Variants in ADAMTSL1 observed in about 807,000 individuals in gnomAD.
The protein encoded by ADAMTSL1 is ADAMTS like 1, also known as ADAMTS-like protein 1.
In ADAMTSL1, 126 loss-of-function variants were observed where a neutral mutation model predicts 201.8. The observed-to-expected ratio is 0.62, with a 90% CI of 0.54 to 0.72. ADAMTSL1 has a LOEUF of 0.72. Ranked by LOEUF, ADAMTSL1 falls within the 30% of genes least tolerant of loss-of-function variation. The pLI is 0.00. For synonymous variants in ADAMTSL1, 1,121 were observed against 903.4 expected (o/e 1.24, Z -4.32); for missense variants, 2,679 against 2,277.8 (o/e 1.18, Z -3.59).
At chr9:18,694,249 C>T (rs1446076783) in intron 13 of ADAMTSL1, among the ~76,000 whole-genome samples, 1 of 152,074 alleles carries the variant, frequency 6.6e-6, no homozygotes, top group Admixed American at 6.6e-5. Context: ...CAAATCTGAG[C>T]CATATCATCC....
At chr9:18,877,910 C>T (rs980909007) in intron 23 of ADAMTSL1, among the ~76,000 whole-genome samples, 1 of 152,096 alleles carries the variant, frequency 6.6e-6, no homozygotes, top group Non-Finnish European at 1.5e-5. Flanking sequence ...CAGGGTTAGG[C>T]GTGTCTGAGC....
intron 23 of ADAMTSL1, among the ~76,000 whole-genome samples, chr9:18,865,198 A>T (rs978037332): frequency 2.7e-5 from 4 of 146,070 alleles, no homozygotes; most frequent in Non-Finnish European, 4.5e-5. Flanking sequence ...CGCTCCCCCC[A>T]CCCCACAATA....
intron 1 of ADAMTSL1, among the ~76,000 whole-genome samples, chr9:18,102,875 A>G (rs560161247): frequency 7.2e-5 from 11 of 152,328 alleles, no homozygotes; most frequent in African/African-American, 2.6e-4. Context: ...TCAGAGCTAG[A>G]AGATGATTCT....
intron 2 of ADAMTSL1, among the ~76,000 whole-genome samples, chr9:18,356,528 A>G (rs1244932880): frequency 2.6e-5 from 1 of 39,056 alleles, no homozygotes; most frequent in Non-Finnish European, 5.7e-5. Flanking sequence ...CCCTGTCTTT[A>G]AAAAAAAAAA....
chr9:18,291,747 T>TCA (rs368988848), intron 2 of ADAMTSL1, among the ~76,000 whole-genome samples: 8,009 of 99,658 alleles, frequency 0.08, 369 homozygotes, highest in Middle Eastern at 0.15. Context: ...TCTCTCTCTC[T>TCA]CACACACACA....
chr9:18,842,170 C>T lies in ADAMTSL1; in HGVS notation c.4249+12193C>T, dbSNP rs182743870. On this transcript the variant is annotated intron_variant, in intron 23 of 28. Transcript: ENST00000380548. ...GATCTTTCCTGCTTTCTCTTGCGGG[C>T]ATTTAGTGCTATAAATTTCCCTCTA... 2.0e-4 allele frequency among the ~76,000 whole-genome samples: 30 copies of T among 152,084 alleles called. No individual in the cohort carries two copies. The East Asian group carries it at 5.8e-3, about 29-fold the overall frequency.
intron 2 of ADAMTSL1, among the ~76,000 whole-genome samples, chr9:18,368,813 A>G (rs1586989689): frequency 1.3e-5 from 2 of 152,342 alleles, no homozygotes; most frequent in African/African-American, 4.8e-5. Flanking sequence ...ATATGTAAAA[A>G]TTGTAGACAT....
At chr9:18,388,215 A>G (rs1205023843) in intron 2 of ADAMTSL1, among the ~76,000 whole-genome samples, 1 of 151,756 alleles carries the variant, frequency 6.6e-6, no homozygotes, top group Non-Finnish European at 1.5e-5. Context: ...AAGTAAATTT[A>G]GTCTTTTATA....
chr9:17,970,912 A>T (rs1046653040), intron 1 of ADAMTSL1, among the ~76,000 whole-genome samples: 1 of 152,064 alleles, frequency 6.6e-6, no homozygotes, highest in African/African-American at 2.4e-5. Context: ...AGCACAGAAA[A>T]AGATTAATTG....
chr9:18,507,785 C>T (rs1265693454), intron 2 of ADAMTSL1, among the ~76,000 whole-genome samples: 2 of 152,166 alleles, frequency 1.3e-5, no homozygotes, highest in South Asian at 2.1e-4. Context: ...AAGGGTCTGA[C>T]AGCTTCTGTT....
chr9:18,602,437 A>G (rs1035238684), intron 4 of ADAMTSL1, among the ~76,000 whole-genome samples: 3 of 152,228 alleles, frequency 2.0e-5, no homozygotes, highest in Non-Finnish European at 4.4e-5. Context: ...TCTGGTTTGC[A>G]GCGTAGAGGA....
At chr9:18,221,097 T>C (rs1325964807) in intron 2 of ADAMTSL1, among the ~76,000 whole-genome samples, 1 of 152,148 alleles carries the variant, frequency 6.6e-6, no homozygotes, top group East Asian at 1.9e-4. Context: ...ATTTTAAGCA[T>C]GCATACCTTG....
At chr9:18,629,603 G>C (rs1164494593) in intron 5 of ADAMTSL1, among the ~76,000 whole-genome samples, 1 of 152,094 alleles carries the variant, frequency 6.6e-6, no homozygotes, top group Non-Finnish European at 1.5e-5. Context: ...CTTGGTCATG[G>C]TGTATTATTC....
intron 1 of ADAMTSL1, among the ~76,000 whole-genome samples, chr9:18,495,639 A>AAAT (rs1822497580): frequency 6.6e-6 from 1 of 152,240 alleles, no homozygotes; most frequent in Non-Finnish European, 1.5e-5. Flanking sequence ...AGCTAGAGGA[A>AAAT]AATGTTATCT....
chr9:17,983,452 A>G (rs1818806096), intron 1 of ADAMTSL1, among the ~76,000 whole-genome samples: 6 of 151,994 alleles, frequency 3.9e-5, no homozygotes, highest in Admixed American at 3.9e-4. Flanking sequence ...ATGTCTTTTA[A>G]CCTTGAAATT....
chr9:17,942,712 C>T (rs190287119), intron 1 of ADAMTSL1, among the ~76,000 whole-genome samples: 1 of 152,304 alleles, frequency 6.6e-6, no homozygotes, highest in African/African-American at 2.4e-5. Context: ...TCAGCAGCCA[C>T]TGGAAGCCAC....
In ADAMTSL1 at chr9:18,351,008, T is replaced by C. The variant is rs1487036088; in HGVS notation, c.208-153821T>C. Among the ~76,000 whole-genome samples the C allele has an allele frequency of 2.0e-5, 3 of 152,142 alleles. 1 individual carries two copies. In the East Asian group the frequency reaches 5.8e-4, roughly 29 times the overall value. ...AGCTTTTAGCTATGGAGAAAACGAA[T>C]TGCATCTCACATAAATGGGATGAGA... On this transcript the variant is annotated intron_variant, in intron 2 of 29. Transcript: ENST00000680146.
intron 25 of ADAMTSL1, chr9:18,890,844 G>T (rs541421331): frequency 2.6e-5 from 8 of 308,158 alleles, no homozygotes; most frequent in African/African-American, 1.5e-4. Context: ...TTGCCAAGCT[G>T]TGCAAAATGA....
At chr9:18,148,420 C>A (rs1444281132) in intron 1 of ADAMTSL1, among the ~76,000 whole-genome samples, 1 of 150,552 alleles carries the variant, frequency 6.6e-6, no homozygotes, top group African/African-American at 2.4e-5. Flanking sequence ...CTTAAAAAGT[C>A]AAGATCAGAT....
Sources: allele counts gnomAD v4.1 joint callset (sites outside exome capture counted in the v4.1 genomes callset), GRCh38; gene constraint gnomAD v4.1.1; transcripts MANE v1.5; gene names NCBI Gene and HGNC (gene_info 2026-07-23, HGNC 2026-07-21).